Variants in FBXL7 observed in about 807,000 individuals in gnomAD.
FBXL7 encodes the protein F-box/LRR-repeat protein 7.
In FBXL7, 12 loss-of-function variants were observed where a neutral mutation model predicts 38.3. The observed-to-expected ratio is 0.31, with a 90% CI of 0.20 to 0.51. The LOEUF (loss-of-function observed/expected upper bound fraction) is 0.51, where lower values mean the gene tolerates loss of function less well. Among genes scored for constraint, FBXL7 ranks in the 20% least tolerant of loss-of-function variants. The pLI, the probability that FBXL7 is intolerant of heterozygous loss-of-function variation, is 0.98. For missense variants in FBXL7, 567 were observed against 676.4 expected, an observed-to-expected ratio of 0.84 and a Z score of 1.79; for synonymous variants, 297 against 300.9, an observed-to-expected ratio of 0.99 and a Z score of 0.13.
intron 2 of FBXL7, among the ~76,000 whole-genome samples, chr5:15,808,367 A>G (rs57841969): frequency 0.031 from 4,733 of 152,158 alleles, 251 homozygotes; most frequent in African/African-American, 0.11. Context: ...AAAACCATAT[A>G]TTTCCAGTTG....
intron 2 of FBXL7, among the ~76,000 whole-genome samples, chr5:15,803,248 A>G (rs1245321472): frequency 6.6e-6 from 1 of 152,194 alleles, no homozygotes; most frequent in Non-Finnish European, 1.5e-5. Flanking sequence ...ATACTTATCT[A>G]TGGAACAATG....
At chr5:15,840,872 T>C (rs544916466) in intron 2 of FBXL7, among the ~76,000 whole-genome samples, 46 of 149,422 alleles carry the variant, frequency 3.1e-4, no homozygotes, top group African/African-American at 1.1e-3. Context: ...AAAAAAGTTA[T>C]AGATTGTTAA....
intron 2 of FBXL7, among the ~76,000 whole-genome samples, chr5:15,829,565 T>G (rs1738400541): frequency 1.3e-5 from 2 of 152,214 alleles, no homozygotes; most frequent in African/African-American, 4.8e-5. Context: ...ACATTTTTTC[T>G]AATGTTGGGA....
At position 15,932,642 on chromosome 5, in the gene FBXL7, C is replaced by T. The variant is rs557249905; in HGVS notation, c.740-3808C>T. Among the ~76,000 whole-genome samples, 24 of 152,288 alleles carry T rather than the reference C, an allele frequency of 1.6e-4. No homozygotes were observed. The East Asian group carries it at 4.3e-3, about 27-fold the overall frequency. ...CCCTAAGTTTCACCTCATGGATACC[C>T]TAACCCTCCCATGGACTTGCCCCTT... On this transcript the variant is annotated intron_variant, in intron 3 of 3. Transcript: ENST00000504595.
intron 1 of FBXL7, among the ~76,000 whole-genome samples, chr5:15,571,362 A>T (rs974993407): frequency 7.2e-5 from 11 of 152,166 alleles, no homozygotes; most frequent in African/African-American, 2.7e-4. Flanking sequence ...GGGAATCTCC[A>T]AAAACTTCTA....
At chr5:15,571,814 C>T (rs982368114) in intron 1 of FBXL7, among the ~76,000 whole-genome samples, 2 of 151,990 alleles carry the variant, frequency 1.3e-5, no homozygotes, top group South Asian at 2.1e-4. Context: ...TCAGCCGTGC[C>T]GTCGCAGATG....
intron 2 of FBXL7, among the ~76,000 whole-genome samples, chr5:15,755,318 A>T (rs1264981943): frequency 6.6e-6 from 1 of 152,308 alleles, no homozygotes; most frequent in South Asian, 2.1e-4. Context: ...CTCTTATCAA[A>T]AGAGAGGGTA....
chr5:15,653,409 A>G (rs2126573381), intron 2 of FBXL7, among the ~76,000 whole-genome samples: 1 of 152,314 alleles, frequency 6.6e-6, no homozygotes, highest in South Asian at 2.1e-4. Context: ...ACCCACAGGA[A>G]AGAAACCCCC....
chr5:15,693,889 C>T (rs1280034633), intron 2 of FBXL7, among the ~76,000 whole-genome samples: 5 of 152,148 alleles, frequency 3.3e-5, no homozygotes, highest in Admixed American at 3.3e-4. Context: ...TTCCACCATT[C>T]AATAAAACCT....
rs1410057916 is a variant in FBXL7 at position 15,928,231 on chromosome 5, A to G, written c.469A>G (p.Ile157Val). The G allele has an allele frequency of 9.3e-6, 15 of 1,611,132 alleles. No homozygotes were observed. Among genetic ancestry groups the G allele is most frequent in the Non-Finnish European group, 1.3e-5 (15 of 1,178,840 alleles). Residue 157 changes from isoleucine to valine, a missense_variant, in exon 3 of 4, where the codon ATC becomes GTC. Coordinates refer to ENST00000504595, the MANE Select transcript of FBXL7 (RefSeq NM_012304.5). The surrounding 1 kb of genome is among the most constrained non-coding windows in gnomAD (Gnocchi z 4.0). The part of the protein sequence containing the change: ...LAWDPRLWRT[I>V]RLTGETINVD... ...CTGGGACCCGCGGCTCTGGAGGACT[A>G]TCCGCCTGACGGGCGAGACCATCAA...
At chr5:15,567,674 C>T (rs999232442) in intron 1 of FBXL7, among the ~76,000 whole-genome samples, 1 of 151,818 alleles carries the variant, frequency 6.6e-6, no homozygotes, top group Non-Finnish European at 1.5e-5. Context: ...TATACATGTG[C>T]CATGTTGGTG....
chr5:15,801,634 A>AGTGTGTGTGTGTGTGTGT (rs71605509), intron 2 of FBXL7, among the ~76,000 whole-genome samples: 36 of 147,788 alleles, frequency 2.4e-4, no homozygotes, highest in African/African-American at 8.6e-4. Context: ...AGGGGGAGTC[A>AGTGTGTGTGTGTGTGTGT]GTGTGTGTGT....
chr5:15,606,372 C>A (rs1740018127), intron 1 of FBXL7, among the ~76,000 whole-genome samples: 1 of 152,122 alleles, frequency 6.6e-6, no homozygotes, highest in Non-Finnish European at 1.5e-5. Context: ...AGTGACATAG[C>A]AAGACAGCAG....
intron 1 of FBXL7, among the ~76,000 whole-genome samples, chr5:15,505,192 A>G (rs114622385): frequency 0.012 from 1,752 of 152,278 alleles, 38 homozygotes; most frequent in African/African-American, 0.041. Flanking sequence ...AAAGCTTTCT[A>G]TGTCCGGGCA....
intron 2 of FBXL7, among the ~76,000 whole-genome samples, chr5:15,867,925 G>A (rs1169300799): frequency 6.6e-6 from 1 of 152,116 alleles, no homozygotes; most frequent in African/African-American, 2.4e-5. Flanking sequence ...CCAACATGGT[G>A]AAACCCCGTC....
chr5:15,739,971 C>A (rs1735853304), intron 2 of FBXL7, among the ~76,000 whole-genome samples: 1 of 152,140 alleles, frequency 6.6e-6, no homozygotes, highest in Non-Finnish European at 1.5e-5. Flanking sequence ...CCCGACTATT[C>A]ACCACAAAGG....
rs200432366 is a variant in FBXL7, at chr5:15,600,333, CTTAT to C, written c.38-15647_38-15644del. On this transcript the variant is annotated intron_variant, in intron 1 of 3. Coordinates refer to ENST00000504595, the MANE Select transcript of FBXL7 (RefSeq NM_012304.5). Reference sequence around the variant, plus strand: ...TCAGTGGTGCAGTCTTTTGAAAAGGCTTATTTCTCTTTAACCCTTGGGGAAGAAA... The same window carrying C: ...TCAGTGGTGCAGTCTTTTGAAAAGGCTTCTCTTTAACCCTTGGGGAAGAAA... 4.3e-3 allele frequency among the ~76,000 whole-genome samples: 658 copies of C among 152,220 alleles called. 3 individuals carry two copies. The highest frequency in any genetic ancestry group is 0.015 in the African/African-American group (630 of 41,546).
At chr5:15,630,486 T>C (rs1740961229) in intron 2 of FBXL7, among the ~76,000 whole-genome samples, 1 of 152,206 alleles carries the variant, frequency 6.6e-6, no homozygotes, top group Non-Finnish European at 1.5e-5. Flanking sequence ...CAGATTTTTT[T>C]TTTTTTTGGT....
At chr5:15,848,668 C>T (rs1056688233) in intron 2 of FBXL7, among the ~76,000 whole-genome samples, 2 of 152,158 alleles carry the variant, frequency 1.3e-5, no homozygotes, top group African/African-American at 2.4e-5. Flanking sequence ...GCGTGAGCCA[C>T]CATCCCCGGC....
Sources: gnomAD v4.1 joint callset for allele counts (sites outside exome capture counted in the v4.1 genomes callset) on GRCh38, gnomAD v4.1.1 for gene constraint, Gnocchi (gnomAD v3.1) non-coding constraint, MANE v1.5 for transcripts, NCBI Gene and HGNC (gene_info 2026-07-23, HGNC 2026-07-21) for gene names.